Variants in NADK2 observed in about 807,000 individuals in gnomAD.
NADK2 encodes the protein NAD kinase 2, mitochondrial.
In NADK2, 35 loss-of-function variants were observed where a neutral mutation model predicts 62.1. The ratio of observed to expected loss-of-function variants is 0.56; its 90% confidence interval spans 0.43 to 0.75. The LOEUF (loss-of-function observed/expected upper bound fraction) is 0.75, where lower values mean the gene tolerates loss of function less well. NADK2 is among the 30% of genes least tolerant of loss of function. NADK2 has a pLI of 0.00. For missense variants in NADK2, 439 were observed against 561.3 expected, an observed-to-expected ratio of 0.78 and a Z score of 2.20; for synonymous variants, 205 against 207.9, an observed-to-expected ratio of 0.99 and a Z score of 0.12.
intron 1 of NADK2, among the ~76,000 whole-genome samples, chr5:36,229,685 G>C (rs562741033): frequency 2.6e-5 from 4 of 151,272 alleles, no homozygotes; most frequent in South Asian, 2.1e-4. Flanking sequence ...CTCCCAACCC[G>C]GCCTATCTTT....
At chr5:36,214,382 G>A (rs1392531317) in intron 6 of NADK2, among the ~76,000 whole-genome samples, 1 of 152,118 alleles carries the variant, frequency 6.6e-6, no homozygotes, top group African/African-American at 2.4e-5. Flanking sequence ...GTTTTACCAT[G>A]TTGGTCAGGC....
chr5:36,194,975 T>C lies in NADK2; in HGVS notation c.*169A>G. ...TCCATCCATTTTCTTATACAGTGAA[T>C]GTCTTTTTTTCTATCAGAATCCAAC... is the stretch of plus-strand genomic sequence containing the variant. On this transcript the variant is annotated 3_prime_UTR_variant, in exon 12 of 12. Transcript: ENST00000381937. 1 of 625,266 alleles carries C rather than the reference T, an allele frequency of 1.6e-6. No individual in the cohort carries two copies. The highest frequency in any genetic ancestry group is 2.9e-5 in the South Asian group (1 of 34,508). The allele number at this position is 625,266 out of a possible 1,614,324, so 38.7% of individuals were successfully genotyped here.
rs544515919 is a variant in NADK2, at chr5:36,228,033, C to T, written c.301-468G>A. 3.9e-5 allele frequency among the ~76,000 whole-genome samples: 6 copies of T among 151,930 alleles called. No individual in the cohort carries two copies. In the South Asian group the frequency reaches 8.3e-4, roughly 21 times the overall value. ...AAAGATAAACTAATACTTGTAGAGG[C>T]GGTTAGATGACCTTTGTTCCACTTG... On this transcript the variant is annotated intron_variant, in intron 1 of 11. Transcript: ENST00000381937.
Position 36,227,554 on chromosome 5 carries a change from T to C in NADK2, c.312A>G (p.Lys104=). Residue 104 remains lysine, a synonymous_variant, in exon 2 of 12, where the codon AAA becomes AAG. Transcript: ENST00000381937. ...EEDLKQLLAL[K]GSSYSGLLER... ...CAAGAAGTCCACTGTAACTAGAGCC[T>C]TTCAATGCAAGCTATATCAAAACAA... is the stretch of plus-strand genomic sequence containing the variant. 1 of 1,541,786 alleles carries C rather than the reference T, an allele frequency of 6.5e-7. No individual in the cohort carries two copies. The highest frequency in any genetic ancestry group is 8.7e-7 in the Non-Finnish European group (1 of 1,142,980).
At chr5:36,212,014 T>C in intron 6 of NADK2, 92 bp from the exon 7 acceptor site, 1 of 956,910 alleles carries the variant, frequency 1.0e-6, no homozygotes, top group Non-Finnish European at 1.6e-6. Flanking sequence ...AACTTTTATA[T>C]TTTTGTTTTT....
At chr5:36,199,517 G>A (rs1746361528) in intron 10 of NADK2, among the ~76,000 whole-genome samples, 1 of 152,036 alleles carries the variant, frequency 6.6e-6, no homozygotes. Flanking sequence ...GAATGATCCT[G>A]GTAGATAGTA....
intron 1 of NADK2, among the ~76,000 whole-genome samples, chr5:36,233,511 A>G (rs1747784989): frequency 6.6e-6 from 1 of 152,194 alleles, no homozygotes; most frequent in Admixed American, 6.5e-5. Flanking sequence ...TCAATATACT[A>G]TGATTTTCAA....
chr5:36,238,485 T>C (rs912430574), intron 1 of NADK2, among the ~76,000 whole-genome samples: 1 of 152,206 alleles, frequency 6.6e-6, no homozygotes, highest in African/African-American at 2.4e-5. Flanking sequence ...TTTTTTTTCC[T>C]TATTCAGTTC....
rs1746121571 is a variant in NADK2 at position 36,193,835 on chromosome 5, C to A, written c.*1309G>T. ...CTTTCACAGAATTTACTTCTGAGCC[C>A]ACAAGACTCAAATTGTATAAGGATA... On this transcript the variant is annotated 3_prime_UTR_variant, in exon 12 of 12. Transcript: ENST00000381937. 1 of 152,568 alleles carries A rather than the reference C, an allele frequency of 6.6e-6. No homozygotes were observed. The highest frequency in any genetic ancestry group is 6.5e-5 in the Admixed American group (1 of 15,280). 9.5% of individuals were successfully genotyped at this position (152,568 alleles called of 1,614,324 possible).
chr5:36,212,255 A>G (rs1337732289), intron 6 of NADK2: 2 of 166,158 alleles, frequency 1.2e-5, no homozygotes, highest in African/African-American at 4.8e-5. Flanking sequence ...CTTCAGAGAT[A>G]TAACTTACCA....
intron 6 of NADK2, among the ~76,000 whole-genome samples, chr5:36,214,499 A>G (rs1249339256): frequency 1.3e-5 from 2 of 152,154 alleles, no homozygotes; most frequent in Non-Finnish European, 2.9e-5. Context: ...TTTTTTATCC[A>G]AGAGAATAGA....
intron 7 of NADK2, 125 bp from the exon 8 acceptor site, chr5:36,207,390 C>A: frequency 1.6e-6 from 1 of 631,150 alleles, no homozygotes. Context: ...ACTTAGTAGG[C>A]ACACACATCA....
intron 8 of NADK2, 115 bp downstream of exon 8, chr5:36,207,055 C>T (rs1278817566): frequency 5.0e-5 from 39 of 783,504 alleles, no homozygotes; most frequent in South Asian, 4.6e-5. Flanking sequence ...ACTTGGCCTA[C>T]CTACATAACA....
chr5:36,234,266 G>C (rs902788369), intron 1 of NADK2, among the ~76,000 whole-genome samples: 2 of 150,444 alleles, frequency 1.3e-5, no homozygotes, highest in African/African-American at 4.9e-5. Flanking sequence ...CCAGCTACAC[G>C]GGAGGCTGAG....
chr5:36,241,199 T>C lies in NADK2; in HGVS notation c.300+300A>G, dbSNP rs1748101334. On this transcript the variant is annotated intron_variant, in intron 1 of 11. Coordinates refer to ENST00000381937, the MANE Select transcript of NADK2 (RefSeq NM_001085411.3). This position sits in a 1 kb window ranked among gnomAD's most constrained non-coding sequence, Gnocchi z 4.9. ...CAACGAATCCTCAAACCCCTCACTC[T>C]GAGGCCACTCGGCAGCCCCTCTTCG... 6.6e-6 allele frequency among the ~76,000 whole-genome samples: 1 copy of C among 152,134 alleles called. No individual in the cohort carries two copies. The highest frequency in any genetic ancestry group is 1.5e-5 in the Non-Finnish European group (1 of 68,012).
intron 10 of NADK2, among the ~76,000 whole-genome samples, chr5:36,199,093 C>T (rs13174281): frequency 0.44 from 66,807 of 151,586 alleles, 17,850 homozygotes; most frequent in Non-Finnish European, 0.61. Flanking sequence ...GGAGATATAC[C>T]TAATGCTAAA....
intron 9 of NADK2, 48 bp from the exon 10 acceptor site, chr5:36,200,328 C>A: frequency 1.1e-5 from 13 of 1,160,432 alleles, no homozygotes; most frequent in Non-Finnish European, 1.5e-5. Context: ...ATATATATAT[C>A]TTATATATAT....
In NADK2 at chr5:36,207,069, C is replaced by A. The variant is rs1377811336; in HGVS notation, c.956+101G>T. On this transcript the variant is annotated intron_variant, in intron 8 of 11. Coordinates refer to ENST00000381937, the MANE Select transcript of NADK2 (RefSeq NM_001085411.3). ...AACTTGGCCTACCTACATAACACCACCAGGACACCTCTTGCATATTACAGG... is the reference window on the plus strand; with the variant it reads ...AACTTGGCCTACCTACATAACACCAACAGGACACCTCTTGCATATTACAGG... 4.5e-6 allele frequency: 4 copies of A among 897,242 alleles called. No homozygotes were observed. The East Asian group carries it at 9.8e-5, about 22-fold the overall frequency. 55.6% of individuals were successfully genotyped at this position (897,242 alleles called of 1,614,324 possible). A position where few individuals can be genotyped will look rare whatever the true frequency, so the allele number is the denominator to read the frequency against.
rs909039939 is a variant in NADK2, at chr5:36,235,653, A to G, written c.300+5846T>C. Among the ~76,000 whole-genome samples the G allele has an allele frequency of 1.2e-4, 18 of 152,160 alleles. 1 individual carries two copies. Among genetic ancestry groups the G allele is most frequent in the Admixed American group, 1.0e-3 (16 of 15,282 alleles). On this transcript the variant is annotated intron_variant, in intron 1 of 11. Coordinates refer to ENST00000381937, the MANE Select transcript of NADK2 (RefSeq NM_001085411.3). ...CTACTAACATTCCTACATTAGCCAT[A>G]TATCTTACTCCTGCTTGAGAACTGT... is the stretch of plus-strand genomic sequence containing the variant.
Sources: gnomAD v4.1 joint callset for allele counts (sites outside exome capture counted in the v4.1 genomes callset) on GRCh38, gnomAD v4.1.1 for gene constraint, Gnocchi (gnomAD v3.1) non-coding constraint, MANE v1.5 for transcripts, NCBI Gene and HGNC (gene_info 2026-07-23, HGNC 2026-07-21) for gene names.